IWS1: variants seen among roughly 807,000 people sequenced by gnomAD.
The protein encoded by IWS1 is interacts with SUPT6H, CTD assembly factor 1.
In IWS1, 27 loss-of-function variants were observed where a neutral mutation model predicts 86.7. That is an observed-to-expected ratio of 0.31 (90% CI 0.23 to 0.43). IWS1 has a LOEUF of 0.43. Ranked by LOEUF, IWS1 falls within the 20% of genes least tolerant of loss-of-function variation. The probability of loss-of-function intolerance (pLI) is 1.00; values close to 1 mark genes in which losing one functional copy is unlikely to be tolerated. For missense variants in IWS1, 827 were observed against 1,000.8 expected, an observed-to-expected ratio of 0.83 and a Z score of 2.34; for synonymous variants, 313 against 335.1, an observed-to-expected ratio of 0.93 and a Z score of 0.72.
intron 10 of IWS1, 111 bp downstream of exon 10, chr2:127,491,860 T>C (rs1573512374): frequency 1.4e-6 from 1 of 702,910 alleles, no homozygotes; most frequent in Non-Finnish European, 2.5e-6. Context: ...TCTATTCCAC[T>C]TTACCGACTC....
chr2:127,507,681 T>C (rs1691215873), intron 2 of IWS1, among the ~76,000 whole-genome samples: 1 of 152,234 alleles, frequency 6.6e-6, no homozygotes, highest in African/African-American at 2.4e-5. Context: ...TTGTAAGCTC[T>C]AGGAAGGCAG....
upstream of IWS1, chr2:127,526,734 C>T: frequency 8.1e-7 from 1 of 1,235,980 alleles, no homozygotes; most frequent in African/African-American, 1.5e-5. Context: ...GTTTGAAGAG[C>T]TTTTGAGATA....
chr2:127,519,684 G>C (rs1691980070), intron 2 of IWS1, among the ~76,000 whole-genome samples: 1 of 152,130 alleles, frequency 6.6e-6, no homozygotes, highest in African/African-American at 2.4e-5. Context: ...TGGAACCTGT[G>C]AATATGTCAC....
rs944448133 is a variant in IWS1 at position 127,505,137 on chromosome 2, G to C, written c.766C>G (p.Pro256Ala). The change falls in exon 3 of 14, where the codon CCG becomes GCG. Residue 256 changes from proline to alanine, a missense_variant. By Grantham distance (27) the Pro-to-Ala change is conservative. Around this residue, in one of 2 missense-constraint regions of IWS1, gnomAD observed 548 missense variants for 560.2 expected, o/e 0.98. Coordinates refer to ENST00000295321, the MANE Select transcript of IWS1 (RefSeq NM_017969.3). This position sits in a 1 kb window ranked among gnomAD's most constrained non-coding sequence, Gnocchi z 5.0. The part of the protein sequence containing the change: ...RISDSESEDP[P>A]RHQASDSENE... ...TCTGAGTCACTGGCCTGGTGCCTCG[G>C]AGGGTCCTCACTTTCTGAGTCACTG... 4 of 1,611,342 alleles carry C rather than the reference G, an allele frequency of 2.5e-6. No individual in the cohort carries two copies. The African/African-American group carries it at 5.4e-5, about 22-fold the overall frequency.
chr2:127,491,686 G>A (rs929345490), intron 10 of IWS1, among the ~76,000 whole-genome samples: 3 of 151,906 alleles, frequency 2.0e-5, no homozygotes, highest in Non-Finnish European at 2.9e-5. Context: ...CTTGTGATCC[G>A]CCCACCTAAG....
chr2:127,508,349 C>A (rs1185034641), intron 2 of IWS1, among the ~76,000 whole-genome samples: 2 of 108,022 alleles, frequency 1.9e-5, no homozygotes, highest in Admixed American at 1.2e-4. Context: ...TGAAACTGAG[C>A]TGCAAAAAAA....
rs560533570 is a variant in IWS1, at chr2:127,496,647, G to A, written c.1566-499C>T. Among the ~76,000 whole-genome samples, 11 of 151,914 alleles carry A rather than the reference G, an allele frequency of 7.2e-5. No homozygotes were observed. In the South Asian group the frequency reaches 2.1e-3, roughly 29 times the overall value. ...GCTGGAGTGCGGTGGCACAATCATA[G>A]TTCACCGTAGCCTCAAACTCCTGGG... On this transcript the variant is annotated intron_variant, in intron 6 of 13. Coordinates refer to ENST00000295321, the MANE Select transcript of IWS1 (RefSeq NM_017969.3).
Position 127,503,374 on chromosome 2 carries a change from T to C in IWS1, c.1409+13A>G, listed in dbSNP as rs114145314. ...TAAGAACCCCTGAAAACTCATGTTA[T>C]ACTGTCACTTACTCTTCTTCATTGC... is the stretch of plus-strand genomic sequence containing the variant. On this transcript the variant is annotated intron_variant, in intron 4 of 13. Coordinates refer to ENST00000295321, the MANE Select transcript of IWS1 (RefSeq NM_017969.3). 1.5e-4 allele frequency: 245 copies of C among 1,600,080 alleles called. No homozygotes were observed. In the African/African-American group the frequency reaches 3.0e-3, roughly 20 times the overall value.
chr2:127,484,265 T>C (rs558603654), intron 13 of IWS1, among the ~76,000 whole-genome samples: 39 of 152,222 alleles, frequency 2.6e-4, no homozygotes, highest in Admixed American at 7.2e-4. Flanking sequence ...TGAGCAGAGA[T>C]TGCACCACTA....
rs561362334 is a variant in IWS1, at chr2:127,489,547, A to G, written c.2159+285T>C. The G allele has an allele frequency of 5.2e-4, 265 of 505,354 alleles. No individual in the cohort carries two copies. The highest frequency in any genetic ancestry group is 1.5e-3 in the Admixed American group (41 of 26,842). 31.3% of individuals were successfully genotyped at this position (505,354 alleles called of 1,614,324 possible). On this transcript the variant is annotated intron_variant, in intron 11 of 13. Coordinates refer to ENST00000295321, the MANE Select transcript of IWS1 (RefSeq NM_017969.3). This position sits in a 1 kb window ranked among gnomAD's most constrained non-coding sequence, Gnocchi z 4.8. Reference sequence around the variant, plus strand: ...TTTCTTCTAGGAACTCGGAAACGGGACCCAGAAAGTTGTTTTCTCAAGTGG... The same window carrying G: ...TTTCTTCTAGGAACTCGGAAACGGGGCCCAGAAAGTTGTTTTCTCAAGTGG...
At chr2:127,488,966 C>T (rs906961569) in intron 12 of IWS1, among the ~76,000 whole-genome samples, 2 of 152,154 alleles carry the variant, frequency 1.3e-5, no homozygotes, top group Non-Finnish European at 2.9e-5. Context: ...ACTTAGCAAA[C>T]AGCAATAAAA....
chr2:127,483,169 T>A (rs1466284898), intron 13 of IWS1, among the ~76,000 whole-genome samples: 4 of 152,250 alleles, frequency 2.6e-5, no homozygotes, highest in Admixed American at 2.6e-4. Flanking sequence ...GCTTTCTGTA[T>A]TTTTAAAAGT....
At chr2:127,506,999 T>C (rs1558760150) in intron 2 of IWS1, among the ~76,000 whole-genome samples, 1 of 152,336 alleles carries the variant, frequency 6.6e-6, no homozygotes, top group African/African-American at 2.4e-5. Flanking sequence ...AGTGAAAGTA[T>C]TTCCGTGTTT....
upstream of IWS1, chr2:127,526,640 C>T (rs1692439674): frequency 7.5e-7 from 1 of 1,329,668 alleles, no homozygotes; most frequent in Non-Finnish European, 9.9e-7. Flanking sequence ...AAATACCTTC[C>T]TCGGGTGGAT....
chr2:127,488,711 A>G (rs1268531756), intron 12 of IWS1, among the ~76,000 whole-genome samples: 1 of 152,202 alleles, frequency 6.6e-6, no homozygotes, highest in Non-Finnish European at 1.5e-5. Context: ...AAAATTCCTC[A>G]TCTTGATTCA....
chr2:127,523,329 G>T (rs1250093470), intron 2 of IWS1, among the ~76,000 whole-genome samples: 1 of 152,162 alleles, frequency 6.6e-6, no homozygotes, highest in East Asian at 1.9e-4. Flanking sequence ...ATTTCAAGTG[G>T]TGTTTCTTCA....
intron 2 of IWS1, among the ~76,000 whole-genome samples, chr2:127,515,186 G>A (rs566583787): frequency 3.7e-4 from 57 of 152,256 alleles, no homozygotes; most frequent in African/African-American, 1.2e-3. Flanking sequence ...ACCCAAGGGC[G>A]GCTCTGGGTC....
rs542946642 is a variant in IWS1 at position 127,499,904 on chromosome 2, T to C, written c.1468-1667A>G. ...TTTCAATAAATGGTGCTGGGTCAACTGGATACTTCAAATAAGGAAAAAAAT... is the reference window on the plus strand; with the variant it reads ...TTTCAATAAATGGTGCTGGGTCAACCGGATACTTCAAATAAGGAAAAAAAT... On this transcript the variant is annotated intron_variant, in intron 5 of 13. Transcript: ENST00000295321. The surrounding 1 kb of genome is among the most constrained non-coding windows in gnomAD (Gnocchi z 4.0). Among the ~76,000 whole-genome samples, 8 of 152,322 alleles carry C rather than the reference T, an allele frequency of 5.3e-5. No homozygotes were observed. In the East Asian group the frequency reaches 1.4e-3, roughly 26 times the overall value.
At chr2:127,522,164 C>T (rs912242740) in intron 2 of IWS1, among the ~76,000 whole-genome samples, 7 of 152,178 alleles carry the variant, frequency 4.6e-5, no homozygotes, top group African/African-American at 1.7e-4. Flanking sequence ...TTAATGACCC[C>T]ATTTCAGTTC....
Sources: allele counts gnomAD v4.1 joint callset (sites outside exome capture counted in the v4.1 genomes callset), GRCh38; gene constraint gnomAD v4.1.1; regional missense constraint gnomAD v4.1.1; non-coding constraint Gnocchi (gnomAD v3.1); transcripts MANE v1.5; gene names NCBI Gene and HGNC (gene_info 2026-07-23, HGNC 2026-07-21).